The following DENND4C variants were observed in gnomAD, a reference collection of about 807,000 sequenced individuals.
DENND4C encodes DENN domain-containing protein 4C.
DENND4C carries 108 observed loss-of-function variants against 203.0 expected under a neutral mutation model. That is an observed-to-expected ratio of 0.53 (90% confidence interval 0.46 to 0.62). The LOEUF (loss-of-function observed/expected upper bound fraction) is 0.62, where lower values mean the gene tolerates loss of function less well. DENND4C is among the 20% of genes least tolerant of loss of function. The probability of loss-of-function intolerance (pLI) is 0.00; values close to 1 mark genes in which losing one functional copy is unlikely to be tolerated. For missense variants in DENND4C, 2,481 were observed against 2,301.2 expected, an observed-to-expected ratio of 1.08 and a Z score of -1.60; for synonymous variants, 871 against 792.4, an observed-to-expected ratio of 1.10 and a Z score of -1.67.
chr9:19,255,591 C>T (rs1358029032), intron 1 of DENND4C, among the ~76,000 whole-genome samples: 1 of 151,974 alleles, frequency 6.6e-6, no homozygotes, highest in African/African-American at 2.4e-5. Flanking sequence ...TTATTTCATA[C>T]AGACTGGTTT....
chr9:19,295,965 C>T, intron 5 of DENND4C, 43 bp from the exon 6 acceptor site: 3 of 1,432,736 alleles, frequency 2.1e-6, no homozygotes, highest in Non-Finnish European at 2.9e-6. Context: ...TTAATTTTTT[C>T]AAACAAACTC....
intron 1 of DENND4C, among the ~76,000 whole-genome samples, chr9:19,269,859 A>G (rs907833900): frequency 1.3e-5 from 2 of 152,146 alleles, no homozygotes; most frequent in Admixed American, 1.3e-4. Flanking sequence ...TATTTATGGT[A>G]GTCTTCACAG....
At chr9:19,248,659 G>A (rs1240301025) in intron 1 of DENND4C, among the ~76,000 whole-genome samples, 2 of 152,216 alleles carry the variant, frequency 1.3e-5, no homozygotes, top group South Asian at 2.1e-4. Flanking sequence ...CTAAATGCTG[G>A]GATTACAGGT....
intron 5 of DENND4C, chr9:19,292,537 CTTTCT>C (rs1836564043): frequency 1.3e-5 from 2 of 149,652 alleles, no homozygotes; most frequent in Admixed American, 6.6e-5. Context: ...AAATTGAAAA[CTTTCT>C]TTTCTTTTTT....
At chr9:19,306,412 G>A (rs1839668816) in intron 10 of DENND4C, among the ~76,000 whole-genome samples, 1 of 152,158 alleles carries the variant, frequency 6.6e-6, no homozygotes, top group Non-Finnish European at 1.5e-5. Flanking sequence ...TTTTGAAACT[G>A]TATAGCTATA....
chr9:19,296,078 A>G lies in DENND4C; in HGVS notation c.872A>G (p.His291Arg), dbSNP rs1366939808. ...CTTCTATCAGAGAAACAGCTTATGC[A>G]CCTGGGCTTGTTGACGCCTGTGGAG... ...RELLSEKQLM[H>R]LGLLTPVERK... is the part of the protein sequence containing the mutation. The change falls in exon 6 of 33, where the codon CAC becomes CGC. Residue 291 changes from histidine to arginine, a missense_variant. This residue lies in a region of DENND4C where 2,289 missense variants were observed against 2,113.3 expected (regional missense o/e 1.08). Coordinates refer to ENST00000434457, the MANE Select transcript of DENND4C (RefSeq NM_001330640.2). The G allele has an allele frequency of 1.2e-6, 2 of 1,614,026 alleles. No homozygotes were observed. Among genetic ancestry groups the G allele is most frequent in the Non-Finnish European group, 1.7e-6 (2 of 1,180,036 alleles).
intron 5 of DENND4C, among the ~76,000 whole-genome samples, chr9:19,293,451 G>A (rs530235301): frequency 8.4e-5 from 12 of 142,464 alleles, no homozygotes; most frequent in African/African-American, 2.8e-4. Flanking sequence ...AAGGGGATGG[G>A]TTAAAAACTT....
intron 1 of DENND4C, among the ~76,000 whole-genome samples, chr9:19,245,655 G>C (rs1018178102): frequency 6.6e-6 from 1 of 152,044 alleles, no homozygotes; most frequent in South Asian, 2.1e-4. Flanking sequence ...AGGGGTTCGA[G>C]ATTAGCCTGG....
chr9:19,349,515 CT>C (rs1379518121), intron 23 of DENND4C, among the ~76,000 whole-genome samples: 1 of 152,164 alleles, frequency 6.6e-6, no homozygotes. Context: ...CTTGTCTTGT[CT>C]TTTCATTGTT....
At chr9:19,298,556 A>G (rs79139910) in intron 7 of DENND4C, among the ~76,000 whole-genome samples, 2,547 of 152,248 alleles carry the variant, frequency 0.017, 29 homozygotes, top group Non-Finnish European at 0.027. Flanking sequence ...AGACGTAGGT[A>G]GGTGTACAGC....
intron 1 of DENND4C, among the ~76,000 whole-genome samples, chr9:19,271,037 T>G (rs1831541061): frequency 6.6e-6 from 1 of 152,180 alleles, no homozygotes; most frequent in East Asian, 1.9e-4. Flanking sequence ...AAGACCTGTA[T>G]GTTGCAAACT....
intron 17 of DENND4C, among the ~76,000 whole-genome samples, chr9:19,333,817 TTAAGA>T (rs1819816694): frequency 6.6e-6 from 1 of 152,210 alleles, no homozygotes; most frequent in South Asian, 2.1e-4. Flanking sequence ...ATTTTTGGTG[TTAAGA>T]TAACTATAAA....
chr9:19,266,445 A>T (rs1342152376), intron 1 of DENND4C, among the ~76,000 whole-genome samples: 2 of 152,152 alleles, frequency 1.3e-5, no homozygotes, highest in African/African-American at 2.4e-5. Flanking sequence ...TTTGCTATGG[A>T]GAAGCTCTTT....
intron 24 of DENND4C, among the ~76,000 whole-genome samples, chr9:19,351,566 G>A (rs549028557): frequency 5.9e-5 from 9 of 152,124 alleles, no homozygotes; most frequent in East Asian, 1.9e-4. Flanking sequence ...CTAGCACTTC[G>A]GGAGGCAAGG....
At chr9:19,329,732 T>A (rs1376221422) in intron 16 of DENND4C, among the ~76,000 whole-genome samples, 1 of 152,210 alleles carries the variant, frequency 6.6e-6, no homozygotes, top group Admixed American at 6.5e-5. Context: ...GTCTTTTTGG[T>A]TATAACCATC....
intron 1 of DENND4C, among the ~76,000 whole-genome samples, chr9:19,270,307 G>A (rs1831377960): frequency 6.6e-6 from 1 of 152,156 alleles, no homozygotes; most frequent in African/African-American, 2.4e-5. Flanking sequence ...TTATTCAGCG[G>A]GTTGTGAATC....
chr9:19,316,579 A>T, intron 11 of DENND4C, 42 bp from the exon 12 acceptor site: 1 of 1,603,932 alleles, frequency 6.2e-7, no homozygotes. Context: ...TTCTTCTTAA[A>T]TTTAACATAA....
rs1471820061 is a variant in DENND4C at position 19,346,651 on chromosome 9, C to A, written c.3882C>A (p.Pro1294=). 1 of 1,613,988 alleles carries A rather than the reference C, an allele frequency of 6.2e-7. No individual in the cohort carries two copies. Residue 1294 remains proline (P), a synonymous_variant, in exon 23 of 33, where the codon CCC becomes CCA. Transcript: ENST00000434457. ...AAAGCTATATGAACCTAAAAAGTCC[C>A]CTAGGTAGTAAATCTTCTAGTATGG... ...EIESYMNLKS[P]LGSKSSSMEL... is the part of the protein sequence containing the mutation.
chr9:19,315,599 G>GTA (rs900901713), intron 10 of DENND4C, among the ~76,000 whole-genome samples: 19 of 149,890 alleles, frequency 1.3e-4, no homozygotes, highest in African/African-American at 3.9e-4. Flanking sequence ...GTATGTGTGT[G>GTA]TATATATATA....
Sources: gnomAD v4.1 joint callset for allele counts (sites outside exome capture counted in the v4.1 genomes callset) on GRCh38, gnomAD v4.1.1 for gene constraint, gnomAD v4.1.1 regional missense constraint, MANE v1.5 for transcripts, NCBI Gene and HGNC (gene_info 2026-07-23, HGNC 2026-07-21) for gene names.